KLHL14: variants seen among roughly 807,000 people sequenced by gnomAD.
KLHL14 encodes kelch like family member 14, also known as kelch-like protein 14.
KLHL14 carries 22 observed loss-of-function variants against 64.3 expected under a neutral mutation model. That is an observed-to-expected ratio of 0.34 (90% CI 0.24 to 0.49). The LOEUF (loss-of-function observed/expected upper bound fraction) is 0.49. Ranked by LOEUF, KLHL14 falls within the 20% of genes least tolerant of loss-of-function variation. The pLI is 0.99. For missense variants in KLHL14, 661 were observed against 789.0 expected (o/e 0.84, Z 1.94); for synonymous variants, 322 against 333.4 (o/e 0.97, Z 0.37).
chr18:32,676,757 T>C (rs2049813220), intron 8 of KLHL14, among the ~76,000 whole-genome samples: 1 of 152,124 alleles, frequency 6.6e-6, no homozygotes, highest in South Asian at 2.1e-4. Context: ...AGAGGGAAAA[T>C]AAGGGGAAAA....
chr18:32,734,365 T>A (rs1222928748), intron 3 of KLHL14: 2 of 652,530 alleles, frequency 3.1e-6, no homozygotes, highest in Non-Finnish European at 5.6e-6. Context: ...CATGCCTGGA[T>A]CCCTGAATGA....
intron 3 of KLHL14, among the ~76,000 whole-genome samples, chr18:32,708,401 C>T (rs1386304271): frequency 6.6e-6 from 1 of 152,088 alleles, no homozygotes; most frequent in East Asian, 1.9e-4. Flanking sequence ...AGGAACAGGG[C>T]AGTGGTGTAG....
intron 3 of KLHL14, among the ~76,000 whole-genome samples, chr18:32,702,345 T>TTG (rs2144492013): frequency 7.1e-6 from 1 of 140,204 alleles, no homozygotes; most frequent in South Asian, 2.1e-4. Flanking sequence ...TTTTTTGTTT[T>TTG]TTTTTTTTTT....
chr18:32,686,177 A>ATTTTTTT (rs148393455), intron 5 of KLHL14, among the ~76,000 whole-genome samples: 1,124 of 106,944 alleles, frequency 0.011, 1 homozygote, highest in East Asian at 0.021. Context: ...GTGCCCGGCT[A>ATTTTTTT]TTTTTTTTTT....
chr18:32,717,830 G>C (rs559247041), intron 3 of KLHL14, among the ~76,000 whole-genome samples: 1 of 152,288 alleles, frequency 6.6e-6, no homozygotes, highest in South Asian at 2.1e-4. Flanking sequence ...TCTTGAGTAT[G>C]ATGAATATAG....
At chr18:32,755,530 C>A (rs540093875) in intron 2 of KLHL14, among the ~76,000 whole-genome samples, 3 of 152,172 alleles carry the variant, frequency 2.0e-5, no homozygotes, top group African/African-American at 7.2e-5. Context: ...AATGAAATTT[C>A]TTTTAATTTT....
chr18:32,758,098 CTT>C (rs2050291451), intron 2 of KLHL14, among the ~76,000 whole-genome samples: 1 of 151,890 alleles, frequency 6.6e-6, no homozygotes, highest in Non-Finnish European at 1.5e-5. Flanking sequence ...CTCTCTCTCT[CTT>C]TTGTATCTTT....
intron 2 of KLHL14, among the ~76,000 whole-genome samples, chr18:32,761,113 A>G (rs2050311554): frequency 6.6e-6 from 1 of 152,194 alleles, no homozygotes; most frequent in Non-Finnish European, 1.5e-5. Context: ...ATCTCAGCTG[A>G]TCTTTCTACA....
At chr18:32,733,241 A>G (rs1352091441) in intron 3 of KLHL14, among the ~76,000 whole-genome samples, 1 of 152,188 alleles carries the variant, frequency 6.6e-6, no homozygotes, top group Non-Finnish European at 1.5e-5. Flanking sequence ...TAAGGCTGAG[A>G]CAACCACCAG....
chr18:32,686,115 G>A (rs1343475163), intron 5 of KLHL14, among the ~76,000 whole-genome samples: 1 of 149,724 alleles, frequency 6.7e-6, no homozygotes, highest in Admixed American at 6.7e-5. Flanking sequence ...GAGTTTAAGC[G>A]ATTCTCCTGC....
intron 3 of KLHL14, among the ~76,000 whole-genome samples, chr18:32,731,832 A>G (rs2050138488): frequency 6.6e-6 from 1 of 152,214 alleles, no homozygotes; most frequent in Non-Finnish European, 1.5e-5. Context: ...AAACTCAGAC[A>G]TATTAAAAAT....
At chr18:32,758,984 G>A (rs2050298869) in intron 2 of KLHL14, among the ~76,000 whole-genome samples, 1 of 152,156 alleles carries the variant, frequency 6.6e-6, no homozygotes, top group Non-Finnish European at 1.5e-5. Flanking sequence ...TAACAGATAT[G>A]GGTTTTTGGG....
At chr18:32,700,889 G>A (rs1387023419) in intron 3 of KLHL14, among the ~76,000 whole-genome samples, 1 of 152,160 alleles carries the variant, frequency 6.6e-6, no homozygotes, top group Non-Finnish European at 1.5e-5. Flanking sequence ...ATTGGCTGAA[G>A]TGAGTAAGGG....
At chr18:32,706,450 G>GT (rs1402031354) in intron 3 of KLHL14, among the ~76,000 whole-genome samples, 1 of 152,114 alleles carries the variant, frequency 6.6e-6, no homozygotes, top group Non-Finnish European at 1.5e-5. Flanking sequence ...TCTCGGCACT[G>GT]TTTTTTAACT....
intron 3 of KLHL14, among the ~76,000 whole-genome samples, chr18:32,735,015 CACTT>C (rs576970703): frequency 6.6e-5 from 10 of 152,150 alleles, no homozygotes; most frequent in Admixed American, 2.6e-4. Flanking sequence ...CAAATTTTGT[CACTT>C]ACACGTCATA....
At chr18:32,723,921 G>A (rs1405949090) in intron 3 of KLHL14, among the ~76,000 whole-genome samples, 2 of 152,074 alleles carry the variant, frequency 1.3e-5, no homozygotes, top group Admixed American at 1.3e-4. Context: ...CACTTTGTGG[G>A]TTCTCTTCTG....
chr18:32,716,477 C>T (rs903487897), intron 3 of KLHL14, among the ~76,000 whole-genome samples: 36 of 151,638 alleles, frequency 2.4e-4, no homozygotes, highest in East Asian at 1.4e-3. Flanking sequence ...TGCAATGGCA[C>T]GATCTCGGCT....
Position 32,770,282 on chromosome 18 carries a change from GCTC to G in KLHL14, c.307_309del (p.Glu103del), listed in dbSNP as rs1364082329. The G allele has an allele frequency of 1.3e-6, 2 of 1,589,738 alleles. No homozygotes were observed. Among genetic ancestry groups the G allele is most frequent in the South Asian group, 2.3e-5 (2 of 86,074 alleles). ...TCGGGGGAGGAAGAAGGAGTCCCGGGCTCCTCCTGCGGCGGCGGCTGCTGCTGC... is the reference window on the plus strand; with the variant it reads ...TCGGGGGAGGAAGAAGGAGTCCCGGGCTCCTGCGGCGGCGGCTGCTGCTGC... On this transcript the variant is annotated inframe_deletion, in exon 2 of 9. Transcript: ENST00000359358. This position sits in a 1 kb window ranked among gnomAD's most constrained non-coding sequence, Gnocchi z 6.7.
At chr18:32,771,510 G>A (rs1188410408) in intron 1 of KLHL14, among the ~76,000 whole-genome samples, 1 of 152,080 alleles carries the variant, frequency 6.6e-6, no homozygotes, top group Non-Finnish European at 1.5e-5. Context: ...TTCCACCACC[G>A]CCACCCCCAC....
Sources: gnomAD v4.1 joint callset for allele counts (sites outside exome capture counted in the v4.1 genomes callset) on GRCh38, gnomAD v4.1.1 for gene constraint, Gnocchi (gnomAD v3.1) non-coding constraint, MANE v1.5 for transcripts, NCBI Gene and HGNC (gene_info 2026-07-23, HGNC 2026-07-21) for gene names.